SLC17A6: variants seen among roughly 807,000 people sequenced by gnomAD.
SLC17A6 encodes the protein vesicular glutamate transporter 2.
SLC17A6 carries 35 observed loss-of-function variants against 67.1 expected under a neutral mutation model. The ratio of observed to expected loss-of-function variants is 0.52; its 90% confidence interval spans 0.40 to 0.69. The LOEUF is 0.69. Ranked by LOEUF, SLC17A6 falls within the 30% of genes least tolerant of loss-of-function variation. The probability of loss-of-function intolerance (pLI) is 0.00; values close to 1 mark genes in which losing one functional copy is unlikely to be tolerated. For missense variants in SLC17A6, 588 were observed against 723.9 expected, an observed-to-expected ratio of 0.81 and a Z score of 2.15; for synonymous variants, 285 against 252.3, an observed-to-expected ratio of 1.13 and a Z score of -1.23.
At chr11:22,359,150 A>G (rs1377814919) in intron 3 of SLC17A6, among the ~76,000 whole-genome samples, 1 of 152,216 alleles carries the variant, frequency 6.6e-6, no homozygotes, top group East Asian at 1.9e-4. Context: ...AATTAAGTCT[A>G]TAAAGAAAAT....
intron 6 of SLC17A6, among the ~76,000 whole-genome samples, chr11:22,365,011 A>G (rs1211575871): frequency 6.6e-6 from 1 of 152,184 alleles, no homozygotes; most frequent in East Asian, 1.9e-4. Context: ...TATGTAATGT[A>G]GCCACTCATG....
intron 5 of SLC17A6, among the ~76,000 whole-genome samples, chr11:22,361,978 C>A (rs1015384723): frequency 6.6e-6 from 1 of 151,844 alleles, no homozygotes; most frequent in African/African-American, 2.4e-5. Context: ...GCATTTGAGT[C>A]TAAATCACAG....
intron 1 of SLC17A6, among the ~76,000 whole-genome samples, chr11:22,339,152 G>GTT: frequency 1.8e-3 from 4 of 2,204 alleles, no homozygotes; most frequent in South Asian, 0.016. Flanking sequence ...GTTATATATA[G>GTT]TTATATATAT....
chr11:22,373,590 C>T (rs1856197875), intron 8 of SLC17A6, among the ~76,000 whole-genome samples: 1 of 151,894 alleles, frequency 6.6e-6, no homozygotes, highest in African/African-American at 2.4e-5. Context: ...TTGATTTTTC[C>T]TTCTCATGGC....
rs1856068078 is a variant in SLC17A6 at position 22,362,843 on chromosome 11, G to T, written c.748+18G>T. On this transcript the variant is annotated intron_variant, in intron 6 of 11. Coordinates refer to ENST00000263160, the MANE Select transcript of SLC17A6 (RefSeq NM_020346.3). ...TGTCTACGGTATGTTATATTTCTAT[G>T]CAATAGAGTTAAAGGAAATGTGCAT... 1 of 1,591,882 alleles carries T rather than the reference G, an allele frequency of 6.3e-7. No homozygotes were observed. Among genetic ancestry groups the T allele is most frequent in the Admixed American group, 1.7e-5 (1 of 59,936 alleles).
At chr11:22,375,000 C>A in intron 9 of SLC17A6, 113 bp downstream of exon 9, 1 of 1,067,876 alleles carries the variant, frequency 9.4e-7, no homozygotes, top group Non-Finnish European at 1.3e-6. Context: ...TACATTTGTG[C>A]CTTCATTATT....
chr11:22,345,234 T>A (rs1218700126), intron 3 of SLC17A6, among the ~76,000 whole-genome samples: 1 of 151,976 alleles, frequency 6.6e-6, no homozygotes, highest in Non-Finnish European at 1.5e-5. Flanking sequence ...AGCAAACTCA[T>A]TATTATCTGT....
chr11:22,367,005 GAAAA>G (rs376547104), intron 7 of SLC17A6, among the ~76,000 whole-genome samples: 3 of 78,850 alleles, frequency 3.8e-5, no homozygotes, highest in Non-Finnish European at 4.6e-5. Context: ...ACTCCGTCTC[GAAAA>G]AAAAAAAAAA....
At chr11:22,355,762 T>C (rs1029565385) in intron 3 of SLC17A6, among the ~76,000 whole-genome samples, 2 of 152,224 alleles carry the variant, frequency 1.3e-5, no homozygotes, top group African/African-American at 4.8e-5. Context: ...AGGTAACCTC[T>C]TCCATTTGTG....
chr11:22,360,874 A>G, intron 4 of SLC17A6, 23 bp from the exon 5 acceptor site: 1 of 1,602,868 alleles, frequency 6.2e-7, no homozygotes, highest in Non-Finnish European at 8.5e-7. Context: ...GGTGACAGTG[A>G]TGAGTATCTT....
chr11:22,370,775 T>TGG (rs1856166641), intron 8 of SLC17A6, among the ~76,000 whole-genome samples: 1 of 152,136 alleles, frequency 6.6e-6, no homozygotes, highest in Admixed American at 6.6e-5. Flanking sequence ...TGCTCACAGC[T>TGG]TGGTGGTGTA....
chr11:22,341,758 G>T lies in SLC17A6; in HGVS notation c.317G>T (p.Arg106Leu), dbSNP rs1564977726. The T allele has an allele frequency of 1.9e-6, 3 of 1,614,004 alleles. No individual in the cohort carries two copies. The highest frequency in any genetic ancestry group is 2.7e-5 in the African/African-American group (2 of 74,948). Residue 106 changes from arginine to leucine, a missense_variant, in exon 2 of 12, where the codon CGC (arginine) becomes CTC (leucine). Transcript: ENST00000263160. ...VDMVNNSTIH[R>L]GGKVIKEKAK... is the part of the protein sequence containing the mutation. ...ATGGTCAACAACAGCACCATCCACC[G>T]CGGGGGCAAGGTCATCAAGGAGGTG...
At chr11:22,371,116 A>G (rs115479571) in intron 8 of SLC17A6, among the ~76,000 whole-genome samples, 1,581 of 152,198 alleles carry the variant, frequency 0.01, 19 homozygotes, top group African/African-American at 0.035. Context: ...TTTCTGTTTA[A>G]TTATCTTTAC....
chr11:22,355,519 T>G (rs1590384815), intron 3 of SLC17A6, among the ~76,000 whole-genome samples: 1 of 152,236 alleles, frequency 6.6e-6, no homozygotes, highest in East Asian at 1.9e-4. Flanking sequence ...CCCACTAAGC[T>G]TCACACTTAC....
In SLC17A6 at chr11:22,341,798, G is replaced by A. The variant is rs1168533609; in HGVS notation, c.339+18G>A. 3.7e-6 allele frequency: 6 copies of A among 1,611,684 alleles called. No individual in the cohort carries two copies. The highest frequency in any genetic ancestry group is 1.7e-5 in the Admixed American group (1 of 59,964). On this transcript the variant is annotated intron_variant, in intron 2 of 11. Transcript: ENST00000263160. ...TCAAGGAGGTGGGCAACGTCTGGCCGCCCTGGCTCCTGCCCTTCGGCCATG... is the reference window on the plus strand; with the variant it reads ...TCAAGGAGGTGGGCAACGTCTGGCCACCCTGGCTCCTGCCCTTCGGCCATG...
intron 8 of SLC17A6, among the ~76,000 whole-genome samples, chr11:22,370,842 T>C (rs749597520): frequency 6.8e-6 from 1 of 147,572 alleles, no homozygotes; most frequent in Non-Finnish European, 1.5e-5. Flanking sequence ...CAGACATTTG[T>C]TCAGAGCTAT....
chr11:22,354,926 T>G, intron 3 of SLC17A6, among the ~76,000 whole-genome samples: 1 of 152,228 alleles, frequency 6.6e-6, no homozygotes, highest in Non-Finnish European at 1.5e-5. Flanking sequence ...TGGCTCATAG[T>G]TATGAATTTA....
At chr11:22,370,318 C>G in intron 8 of SLC17A6, 130 bp downstream of exon 8, 1 of 736,462 alleles carries the variant, frequency 1.4e-6, no homozygotes, top group Non-Finnish European at 2.1e-6. Context: ...CAAATAACTG[C>G]TAGGAAATAG....
chr11:22,363,967 T>C (rs1454220692), intron 6 of SLC17A6, among the ~76,000 whole-genome samples: 2 of 152,170 alleles, frequency 1.3e-5, no homozygotes, highest in Non-Finnish European at 2.9e-5. Context: ...TAAGTGAAGA[T>C]ATGTGACCTT....
Sources: gnomAD v4.1 joint callset for allele counts (sites outside exome capture counted in the v4.1 genomes callset) on GRCh38, gnomAD v4.1.1 for gene constraint, MANE v1.5 for transcripts, NCBI Gene and HGNC (gene_info 2026-07-23, HGNC 2026-07-21) for gene names.